The following ITGA1 variants were observed in gnomAD, a reference collection of about 807,000 sequenced individuals.
ITGA1 encodes the protein integrin subunit alpha 1, also known as integrin alpha-1.
A neutral mutation model predicts 145.9 loss-of-function variants in ITGA1; 85 were observed. The ratio of observed to expected loss-of-function variants is 0.58; its 90% CI spans 0.49 to 0.70. The LOEUF is 0.70. Among genes scored for constraint, ITGA1 ranks in the 30% least tolerant of loss-of-function variants. ITGA1 has a pLI of 0.00. For missense variants in ITGA1, 1,351 were observed against 1,418.7 expected (o/e 0.95, Z 0.77); for synonymous variants, 520 against 495.3 (o/e 1.05, Z -0.66).
intron 6 of ITGA1, among the ~76,000 whole-genome samples, chr5:52,867,651 A>C (rs1749709569): frequency 6.6e-6 from 1 of 151,148 alleles, no homozygotes; most frequent in Non-Finnish European, 1.5e-5. Flanking sequence ...CGCTTCCCCT[A>C]TCCCTTCTCT....
intron 2 of ITGA1, among the ~76,000 whole-genome samples, chr5:52,859,416 A>G (rs1159381116): frequency 6.6e-6 from 1 of 152,154 alleles, no homozygotes; most frequent in East Asian, 1.9e-4. Context: ...CCAGAAGTAA[A>G]AATTATGTAT....
intron 12 of ITGA1, among the ~76,000 whole-genome samples, chr5:52,908,485 C>T (rs1054248102): frequency 2.0e-5 from 3 of 152,126 alleles, no homozygotes; most frequent in African/African-American, 7.2e-5. Context: ...ACCAGTATTC[C>T]AGGACAACTC....
At chr5:52,859,205 C>T (rs1426108114) in intron 2 of ITGA1, among the ~76,000 whole-genome samples, 1 of 152,096 alleles carries the variant, frequency 6.6e-6, no homozygotes, top group African/African-American at 2.4e-5. Flanking sequence ...GATAAATTTT[C>T]ACTTTGAGTT....
intron 23 of ITGA1, among the ~76,000 whole-genome samples, chr5:52,934,670 G>C (rs1750939378): frequency 6.6e-6 from 1 of 151,692 alleles, no homozygotes; most frequent in Non-Finnish European, 1.5e-5. Flanking sequence ...ACAGACTCAA[G>C]TTAAAATCAC....
intron 17 of ITGA1, 44 bp from the exon 18 acceptor site, chr5:52,922,733 G>A (rs767139668): frequency 1.5e-5 from 19 of 1,250,634 alleles, no homozygotes; most frequent in East Asian, 2.3e-5. Flanking sequence ...CAGAACACCC[G>A]GTAAATATGA....
intron 1 of ITGA1, among the ~76,000 whole-genome samples, chr5:52,797,044 G>A (rs1748355864): frequency 6.6e-6 from 1 of 152,058 alleles, no homozygotes; most frequent in Non-Finnish European, 1.5e-5. Context: ...AATTGGGATT[G>A]TAGACGTTAA....
In ITGA1 at chr5:52,801,182, T is replaced by TA. The variant is rs1464576842; in HGVS notation, c.61+12771dup. Reference sequence around the variant, plus strand: ...CAGAGGGATTGGTATAAACTACTCCTAAAGTTTTAGAACTGGGAAAAATAA... The same window carrying TA: ...CAGAGGGATTGGTATAAACTACTCCTAAAAGTTTTAGAACTGGGAAAAATAA... On this transcript the variant is annotated intron_variant, in intron 1 of 28. Transcript: ENST00000282588. 3.4e-6 allele frequency: 5 copies of TA among 1,461,880 alleles called. No individual in the cohort carries two copies. The Admixed American group carries it at 1.1e-4, about 33-fold the overall frequency. 90.6% of individuals were successfully genotyped at this position (1,461,880 alleles called of 1,614,324 possible). A position where few individuals can be genotyped will look rare whatever the true frequency, so the allele number is the denominator to read the frequency against.
At chr5:52,853,497 A>G (rs1221268360) in intron 2 of ITGA1, among the ~76,000 whole-genome samples, 1 of 152,236 alleles carries the variant, frequency 6.6e-6, no homozygotes, top group Non-Finnish European at 1.5e-5. Context: ...ATATTTAAAA[A>G]AATCATCCTG....
intron 16 of ITGA1, among the ~76,000 whole-genome samples, chr5:52,919,407 G>A (rs1360126103): frequency 6.6e-6 from 1 of 152,138 alleles, no homozygotes; most frequent in Non-Finnish European, 1.5e-5. Flanking sequence ...TGTTCTGTGT[G>A]TGTGTTCTCA....
intron 1 of ITGA1, 87 bp from the exon 2 acceptor site, chr5:52,849,278 G>A: frequency 1.7e-6 from 2 of 1,147,830 alleles, no homozygotes; most frequent in Admixed American, 2.4e-5. Flanking sequence ...AGCTTTCGAT[G>A]GTAACCTTAA....
At chr5:52,892,680 C>T (rs1267980100) in intron 8 of ITGA1, among the ~76,000 whole-genome samples, 1 of 152,130 alleles carries the variant, frequency 6.6e-6, no homozygotes, top group East Asian at 1.9e-4. Context: ...ACTACTGCTA[C>T]ATGCAGCAAC....
In ITGA1 at chr5:52,918,746, C is replaced by T. The variant is rs1381525453; in HGVS notation, c.2003C>T (p.Ala668Val). Residue 668 changes from alanine (A) to valine (V), a missense_variant, in exon 16 of 29, where the codon GCC (alanine) becomes GTC (valine). Coordinates refer to ENST00000282588, the MANE Select transcript of ITGA1 (RefSeq NM_181501.2). ...TTTGTTTGTAGGTCCCGAGATGTGG[C>T]CGTAGTTAAAGTGACCATGAATTTT... ...GAALFWSRDVAVVKVTMNFEP... is the reference protein window; with the variant it reads ...GAALFWSRDVVVVKVTMNFEP... The T allele has an allele frequency of 1.2e-6, 2 of 1,607,708 alleles. No homozygotes were observed. Among genetic ancestry groups the T allele is most frequent in the East Asian group, 2.2e-5 (1 of 44,778 alleles).
chr5:52,819,152 G>A (rs923417655), intron 1 of ITGA1, among the ~76,000 whole-genome samples: 6 of 152,178 alleles, frequency 3.9e-5, no homozygotes, highest in Non-Finnish European at 4.4e-5. Flanking sequence ...AATCCTTTGG[G>A]TATATACCCA....
chr5:52,865,973 C>T (rs746943592), intron 6 of ITGA1, among the ~76,000 whole-genome samples, 156 bp downstream of exon 6: 15 of 151,998 alleles, frequency 9.9e-5, no homozygotes, highest in Non-Finnish European at 1.9e-4. Context: ...ATAAAAAGGA[C>T]ATTACTTTAA....
rs2111572424 is a variant in ITGA1 at position 52,958,054 on chromosome 5, A to G, written c.*5603A>G. The G allele has an allele frequency of 6.6e-6, 1 of 152,282 alleles. No homozygotes were observed. Among genetic ancestry groups the G allele is most frequent in the Middle Eastern group, 3.4e-3 (1 of 294 alleles). 9.4% of individuals were successfully genotyped at this position (152,282 alleles called of 1,614,324 possible). ...GAAAAATCTCTCTATTGCATTACTTATCCTCACCCTTGTTTTTTAAGAGGT... is the reference window on the plus strand; with the variant it reads ...GAAAAATCTCTCTATTGCATTACTTGTCCTCACCCTTGTTTTTTAAGAGGT... On this transcript the variant is annotated 3_prime_UTR_variant, in exon 29 of 29. Transcript: ENST00000282588.
intron 8 of ITGA1, 128 bp downstream of exon 8, chr5:52,888,093 C>T (rs1750083245): frequency 3.3e-6 from 3 of 920,144 alleles, no homozygotes; most frequent in Middle Eastern, 3.5e-4. Flanking sequence ...TGAAGGTAAG[C>T]CCTGGGAGGA....
At chr5:52,872,453 A>G (rs1322757396) in intron 6 of ITGA1, among the ~76,000 whole-genome samples, 1 of 152,128 alleles carries the variant, frequency 6.6e-6, no homozygotes, top group Non-Finnish European at 1.5e-5. Flanking sequence ...AAAAAGAAAC[A>G]AATAACTCTT....
At chr5:52,797,475 A>C (rs1435220769) in intron 1 of ITGA1, among the ~76,000 whole-genome samples, 1 of 152,038 alleles carries the variant, frequency 6.6e-6, no homozygotes, top group Non-Finnish European at 1.5e-5. Flanking sequence ...AAAAAAAAAA[A>C]CTATGTAGAA....
At chr5:52,924,008 C>T (rs1750767404) in intron 18 of ITGA1, among the ~76,000 whole-genome samples, 1 of 152,160 alleles carries the variant, frequency 6.6e-6, no homozygotes, top group Non-Finnish European at 1.5e-5. Flanking sequence ...CACTTAGTTC[C>T]TGTTCCCAAA....
Sources: allele counts gnomAD v4.1 joint callset (sites outside exome capture counted in the v4.1 genomes callset), GRCh38; gene constraint gnomAD v4.1.1; transcripts MANE v1.5; gene names NCBI Gene and HGNC (gene_info 2026-07-23, HGNC 2026-07-21).